Variants in KCNH5 observed in about 807,000 individuals in gnomAD.
KCNH5 encodes potassium voltage-gated channel subfamily H member 5, also known as voltage-gated delayed rectifier potassium channel KCNH5.
In KCNH5, 46 loss-of-function variants were observed where a neutral mutation model predicts 96.1. That is an observed-to-expected ratio of 0.48 (90% confidence interval 0.38 to 0.61). The LOEUF is 0.61. KCNH5 is among the 20% of genes least tolerant of loss of function. The pLI is 0.00. For missense variants in KCNH5, 907 were observed against 1,225.8 expected (o/e 0.74, Z 3.88); for synonymous variants, 439 against 449.8 (o/e 0.98, Z 0.30).
rs986629623 is a variant in KCNH5, at chr14:63,045,450, G to T, written c.-264C>A. The T allele has an allele frequency of 2.2e-5, 11 of 500,462 alleles. No individual in the cohort carries two copies. The highest frequency in any genetic ancestry group is 3.3e-5 in the Admixed American group (1 of 30,680). 31.0% of individuals were successfully genotyped at this position (500,462 alleles called of 1,614,324 possible). On this transcript the variant is annotated 5_prime_UTR_variant, in exon 1 of 11. Coordinates refer to ENST00000322893, the MANE Select transcript of KCNH5 (RefSeq NM_139318.5). Reference sequence around the variant, plus strand: ...TGTGGCGGTGCCGCACACGGGGCTCGGGAACTGCAGGCTCCGCGGGGCACA... The same window carrying T: ...TGTGGCGGTGCCGCACACGGGGCTCTGGAACTGCAGGCTCCGCGGGGCACA...
intron 7 of KCNH5, among the ~76,000 whole-genome samples, chr14:62,884,855 C>A (rs913972617): frequency 6.6e-6 from 1 of 152,156 alleles, no homozygotes; most frequent in African/African-American, 2.4e-5. Flanking sequence ...CATTTGAATT[C>A]TGTAACATAT....
At chr14:62,742,556 G>A (rs1346344091) in intron 10 of KCNH5, among the ~76,000 whole-genome samples, 1 of 152,150 alleles carries the variant, frequency 6.6e-6, no homozygotes, top group Non-Finnish European at 1.5e-5. Context: ...TAGGGCTGAG[G>A]CCCATTGTAT....
intron 7 of KCNH5, among the ~76,000 whole-genome samples, chr14:62,891,314 C>T (rs540794635): frequency 3.4e-4 from 52 of 152,210 alleles, no homozygotes; most frequent in African/African-American, 1.2e-3. Context: ...AACAGATAAC[C>T]AAATACCGCA....
intron 7 of KCNH5, among the ~76,000 whole-genome samples, chr14:62,909,201 AC>A (rs1435444993): frequency 6.7e-6 from 1 of 149,514 alleles, no homozygotes; most frequent in African/African-American, 2.5e-5. Context: ...GCCCGCCACT[AC>A]GCCCGGCTAA....
chr14:62,934,631 A>C (rs1889643689), intron 7 of KCNH5, among the ~76,000 whole-genome samples: 1 of 152,154 alleles, frequency 6.6e-6, no homozygotes, highest in African/African-American at 2.4e-5. Context: ...TCTCACTGAA[A>C]CAGTGGCAGT....
chr14:62,715,443 C>G (rs941913468), intron 10 of KCNH5, among the ~76,000 whole-genome samples: 2 of 152,152 alleles, frequency 1.3e-5, no homozygotes, highest in African/African-American at 4.8e-5. Context: ...ATCTTAGTCA[C>G]GAATTCTAAC....
chr14:62,850,450 G>A (rs1887781806), intron 7 of KCNH5, among the ~76,000 whole-genome samples: 2 of 152,142 alleles, frequency 1.3e-5, no homozygotes, highest in African/African-American at 4.8e-5. Context: ...TAAAACTTTG[G>A]CAATGCCGAG....
chr14:62,956,111 C>T (rs1566721131), intron 6 of KCNH5, among the ~76,000 whole-genome samples: 1 of 152,168 alleles, frequency 6.6e-6, no homozygotes, highest in Admixed American at 6.5e-5. Context: ...ATCTCTTGAA[C>T]AGGCCTCCAA....
chr14:62,850,226 T>A (rs1224204877), intron 7 of KCNH5, among the ~76,000 whole-genome samples: 1 of 152,226 alleles, frequency 6.6e-6, no homozygotes, highest in Non-Finnish European at 1.5e-5. Context: ...TCCTCCTGAA[T>A]GAAGCCTAAT....
chr14:62,802,535 T>C lies in KCNH5; in HGVS notation c.1616A>G (p.His539Arg), dbSNP rs763168479. Residue 539 changes from histidine (H) to arginine (R), a missense_variant, in exon 9 of 11, where the codon CAT becomes CGT. His to Arg is a conservative substitution (Grantham distance 29). Transcript: ENST00000322893. ...TTCATTAAAAACCTTCCGGTTTAGA[T>C]GAACACAGATATCAGCTCTCATGTC... Reference protein sequence around the residue: ...PKDMRADICVHLNRKVFNEHP... With the variant: ...PKDMRADICVRLNRKVFNEHP... 1 of 1,614,068 alleles carries C rather than the reference T, an allele frequency of 6.2e-7. No individual in the cohort carries two copies. The highest frequency in any genetic ancestry group is 8.5e-7 in the Non-Finnish European group (1 of 1,179,994).
chr14:62,752,461 C>T (rs572578047), intron 10 of KCNH5, among the ~76,000 whole-genome samples: 3 of 120,764 alleles, frequency 2.5e-5, no homozygotes, highest in East Asian at 2.7e-4. Flanking sequence ...TATCCTGACC[C>T]AGAGGGAATC....
intron 10 of KCNH5, among the ~76,000 whole-genome samples, chr14:62,757,509 T>C (rs1470083125): frequency 6.6e-6 from 1 of 152,126 alleles, no homozygotes; most frequent in African/African-American, 2.4e-5. Context: ...GTTGCAGCAC[T>C]GTTCACAATA....
At chr14:62,962,845 A>G (rs1159163209) in intron 6 of KCNH5, among the ~76,000 whole-genome samples, 1 of 152,186 alleles carries the variant, frequency 6.6e-6, no homozygotes, top group African/African-American at 2.4e-5. Context: ...TTCCAACTAC[A>G]GTGTTCTTCC....
intron 10 of KCNH5, among the ~76,000 whole-genome samples, chr14:62,750,253 GC>G (rs1224029098): frequency 2.0e-5 from 3 of 152,108 alleles, no homozygotes; most frequent in African/African-American, 7.2e-5. Context: ...CGTATAAAAA[GC>G]TTTTTTCCTA....
intron 4 of KCNH5, among the ~76,000 whole-genome samples, chr14:62,993,173 G>A (rs778586454): frequency 3.9e-5 from 6 of 151,960 alleles, no homozygotes; most frequent in Non-Finnish European, 7.4e-5. Context: ...ATTAATCAAT[G>A]TGTCTATTTC....
chr14:62,861,322 T>A (rs1293320074), intron 7 of KCNH5, among the ~76,000 whole-genome samples: 2 of 151,408 alleles, frequency 1.3e-5, no homozygotes, highest in Admixed American at 1.3e-4. Context: ...CAGGCTGGAG[T>A]GCAGTGACGT....
chr14:62,735,197 CA>C (rs1885131598), intron 10 of KCNH5, among the ~76,000 whole-genome samples: 1 of 152,164 alleles, frequency 6.6e-6, no homozygotes, highest in East Asian at 1.9e-4. Flanking sequence ...TTTTGTAGCA[CA>C]AGAGTCAAAA....
At chr14:62,969,713 C>A (rs1215931626) in intron 6 of KCNH5, among the ~76,000 whole-genome samples, 1 of 151,604 alleles carries the variant, frequency 6.6e-6, no homozygotes, top group Non-Finnish European at 1.5e-5. Flanking sequence ...CTGTAACAGA[C>A]CTGCCTGTCC....
chr14:62,776,037 G>A (rs1219698351), intron 10 of KCNH5, among the ~76,000 whole-genome samples: 1 of 152,108 alleles, frequency 6.6e-6, no homozygotes, highest in Non-Finnish European at 1.5e-5. Context: ...GGGAGGCTGA[G>A]GTGGGTAGAT....
Sources: gnomAD v4.1 joint callset for allele counts (sites outside exome capture counted in the v4.1 genomes callset) on GRCh38, gnomAD v4.1.1 for gene constraint, MANE v1.5 for transcripts, NCBI Gene and HGNC (gene_info 2026-07-23, HGNC 2026-07-21) for gene names.